Variants in FGF14 observed in about 807,000 individuals in gnomAD.
FGF14 encodes the protein fibroblast growth factor homologous factor 4.
Under a neutral mutation model 25.5 loss-of-function variants are expected in FGF14, and 5 were observed. The ratio of observed to expected loss-of-function variants is 0.20; its 90% CI spans 0.10 to 0.41. FGF14 has a LOEUF of 0.41. Among genes scored for constraint, FGF14 ranks in the 10% least tolerant of loss-of-function variants. The pLI, the probability that FGF14 is intolerant of heterozygous loss-of-function variation, is 1.00. For synonymous variants in FGF14, 138 were observed against 118.3 expected (o/e 1.17, Z -1.08); for missense variants, 222 against 320.1 (o/e 0.69, Z 2.34).
chr13:102,357,869 T>C (rs1316801730), intron 1 of FGF14, among the ~76,000 whole-genome samples: 6 of 152,300 alleles, frequency 3.9e-5, no homozygotes, highest in Admixed American at 3.9e-4. Flanking sequence ...CCTCAAGGTC[T>C]AGCTTACCGT....
At chr13:101,727,328 G>A (rs2035506450) in intron 3 of FGF14, among the ~76,000 whole-genome samples, 1 of 152,062 alleles carries the variant, frequency 6.6e-6, no homozygotes, top group African/African-American at 2.4e-5. Context: ...ACAATCAGCT[G>A]GCTTACTTGC....
chr13:102,093,210 G>A (rs1202063062), intron 1 of FGF14, among the ~76,000 whole-genome samples: 2 of 151,990 alleles, frequency 1.3e-5, no homozygotes, highest in Non-Finnish European at 2.9e-5. Flanking sequence ...AAATTCTTAG[G>A]TGTGCCATGA....
chr13:101,876,668 A>G (rs1158449483), intron 1 of FGF14, among the ~76,000 whole-genome samples: 1 of 152,220 alleles, frequency 6.6e-6, no homozygotes, highest in East Asian at 1.9e-4. Context: ...CTGTATTAGA[A>G]TATGAAAGCT....
At chr13:102,327,678 A>T (rs2056499101) in intron 1 of FGF14, among the ~76,000 whole-genome samples, 1 of 152,036 alleles carries the variant, frequency 6.6e-6, no homozygotes, top group Non-Finnish European at 1.5e-5. Flanking sequence ...CTACAAAAAC[A>T]AATTTAAAAA....
chr13:102,066,175 A>T (rs1202687586), intron 1 of FGF14, among the ~76,000 whole-genome samples: 1 of 152,258 alleles, frequency 6.6e-6, no homozygotes, highest in Non-Finnish European at 1.5e-5. Flanking sequence ...ATCCATACCA[A>T]TTATTATAGT....
In FGF14 at chr13:101,712,209, A is replaced by T. The variant is rs190489609; in HGVS notation, c.*10622T>A. ...TACCTCTAAGATGCACTGAGCATTG[A>T]CAAACAGGAAAGAATAACACAGCTG... is the stretch of plus-strand genomic sequence containing the variant. On this transcript the variant is annotated 3_prime_UTR_variant, in exon 5 of 5. Transcript: ENST00000376143. The T allele has an allele frequency of 6.6e-6, 1 of 152,352 alleles. No individual in the cohort carries two copies. Among genetic ancestry groups the T allele is most frequent in the East Asian group, 1.9e-4 (1 of 5,186 alleles). The allele number at this position is 152,352 out of a possible 1,614,324, so 9.4% of individuals were successfully genotyped here.
chr13:101,896,638 G>C (rs1294879768), intron 1 of FGF14, among the ~76,000 whole-genome samples: 2 of 152,168 alleles, frequency 1.3e-5, no homozygotes, highest in Admixed American at 6.5e-5. Context: ...AGGAAGAGTT[G>C]AAAAATATAA....
chr13:102,090,039 TGTTAGA>T (rs2044096228), intron 1 of FGF14, among the ~76,000 whole-genome samples: 1 of 152,202 alleles, frequency 6.6e-6, no homozygotes, highest in Non-Finnish European at 1.5e-5. Flanking sequence ...TGTCTTCTAG[TGTTAGA>T]TGATTAGCTT....
At chr13:102,388,544 G>A (rs779913193) in intron 1 of FGF14, among the ~76,000 whole-genome samples, 4 of 152,238 alleles carry the variant, frequency 2.6e-5, no homozygotes, top group South Asian at 4.1e-4. Flanking sequence ...CATCCTTCCA[G>A]GTTCCAAGAA....
rs56200654 is a variant in FGF14 at position 101,720,530 on chromosome 13, C to CTGTGTGTGTGTGTGTGTGTGTG, written c.*2279_*2300dup. 3 of 147,572 alleles carry CTGTGTGTGTGTGTGTGTGTGTG rather than the reference C, an allele frequency of 2.0e-5. No homozygotes were observed. The highest frequency in any genetic ancestry group is 7.5e-5 in the African/African-American group (3 of 39,792). 9.1% of individuals were successfully genotyped at this position (147,572 alleles called of 1,614,324 possible). A position where few individuals can be genotyped will look rare whatever the true frequency, so the allele number is the denominator to read the frequency against. On this transcript the variant is annotated 3_prime_UTR_variant, in exon 5 of 5. Transcript: ENST00000376143. ...TAACAAATAGATGGGGGTGTTTGCT[C>CTGTGTGTGTGTGTGTGTGTGTG]TGTGTGTGTGTGTGTGTGTGTGTGT...
intron 1 of FGF14, among the ~76,000 whole-genome samples, chr13:102,231,140 T>G (rs2051067084): frequency 6.6e-6 from 1 of 152,226 alleles, no homozygotes; most frequent in Admixed American, 6.5e-5. Flanking sequence ...TTGTCTCAGT[T>G]TCTCTGTCTC....
chr13:102,269,105 G>A (rs1370794414), intron 1 of FGF14, among the ~76,000 whole-genome samples: 2 of 152,158 alleles, frequency 1.3e-5, no homozygotes, highest in Non-Finnish European at 2.9e-5. Flanking sequence ...TCTGAAACAG[G>A]CAGTGAATGA....
intron 1 of FGF14, among the ~76,000 whole-genome samples, chr13:102,188,972 GA>G (rs1219773437): frequency 7.1e-5 from 4 of 56,470 alleles, no homozygotes; most frequent in Non-Finnish European, 1.3e-4. Context: ...AAGAAAGAAA[GA>G]AAGAAAGAAA....
chr13:102,320,637 GCT>G (rs1183644610), intron 1 of FGF14, among the ~76,000 whole-genome samples: 3 of 152,154 alleles, frequency 2.0e-5, no homozygotes, highest in Admixed American at 6.6e-5. Context: ...AGGCAAGGTA[GCT>G]CCTCCCCTAG....
At chr13:101,793,918 T>C (rs1388131993) in intron 3 of FGF14, among the ~76,000 whole-genome samples, 4 of 152,088 alleles carry the variant, frequency 2.6e-5, no homozygotes, top group Non-Finnish European at 4.4e-5. Flanking sequence ...AGCTCTGTCA[T>C]AGGTGATAAG....
At chr13:102,326,563 T>C (rs115415529) in intron 1 of FGF14, among the ~76,000 whole-genome samples, 1,918 of 149,528 alleles carry the variant, frequency 0.013, 38 homozygotes, top group African/African-American at 0.044. Context: ...TGAAATGGGG[T>C]TTGGGGGATA....
At chr13:102,394,654 G>T (rs1457381122) in intron 1 of FGF14, 2 of 152,308 alleles carry the variant, frequency 1.3e-5, no homozygotes, top group African/African-American at 4.8e-5. Context: ...CCGGCGAGCC[G>T]AGGCTGGGAG....
chr13:101,883,499 G>A (rs1221345533), intron 1 of FGF14, among the ~76,000 whole-genome samples: 1 of 152,184 alleles, frequency 6.6e-6, no homozygotes, highest in Non-Finnish European at 1.5e-5. Context: ...TAGGAGCTGA[G>A]AGGAATTTAC....
At chr13:102,034,712 C>T (rs550091284) in intron 1 of FGF14, among the ~76,000 whole-genome samples, 9 of 152,260 alleles carry the variant, frequency 5.9e-5, no homozygotes, top group African/African-American at 1.9e-4. Flanking sequence ...ACTCAGCTCA[C>T]CCTCCTCACC....
Sources: gnomAD v4.1 joint callset for allele counts (sites outside exome capture counted in the v4.1 genomes callset) on GRCh38, gnomAD v4.1.1 for gene constraint, MANE v1.5 for transcripts, NCBI Gene and HGNC (gene_info 2026-07-23, HGNC 2026-07-21) for gene names.